Variants in ZSWIM4 observed in about 807,000 individuals in gnomAD.
ZSWIM4 encodes zinc finger SWIM domain-containing protein 4.
Under a neutral mutation model 102.5 loss-of-function variants are expected in ZSWIM4, and 62 were observed. That is an observed-to-expected ratio of 0.60 (90% confidence interval 0.49 to 0.75). ZSWIM4 has a LOEUF of 0.75. Among genes scored for constraint, ZSWIM4 ranks in the 30% least tolerant of loss-of-function variants. The pLI is 0.00. For missense variants in ZSWIM4, 1,280 were observed against 1,529.6 expected (o/e 0.84, Z 2.72); for synonymous variants, 652 against 674.5 (o/e 0.97, Z 0.52).
chr19:13,830,143 G>T, intron 13 of ZSWIM4, 48 bp from the exon 14 acceptor site: 4 of 1,576,028 alleles, frequency 2.5e-6, no homozygotes, highest in Non-Finnish European at 3.4e-6. Flanking sequence ...ACATGTACGT[G>T]TGTCTGCCCC....
At chr19:13,807,362 T>G (rs1031568299) in intron 3 of ZSWIM4, among the ~76,000 whole-genome samples, 1 of 149,668 alleles carries the variant, frequency 6.7e-6, no homozygotes, top group Non-Finnish European at 1.5e-5. Context: ...ATGACTTGGG[T>G]GGGGGTGGAT....
At chr19:13,823,715 A>C (rs1279478492) in intron 11 of ZSWIM4, among the ~76,000 whole-genome samples, 1 of 152,136 alleles carries the variant, frequency 6.6e-6, no homozygotes, top group Non-Finnish European at 1.5e-5. Flanking sequence ...ATGACATTCT[A>C]GTGGGGAGAA....
In ZSWIM4 at chr19:13,799,896, G is replaced by T; in HGVS notation, c.330G>T (p.Gly110=). ...FTRGLHLLQS[G]AVDRVLQVGF... is the part of the protein sequence containing the mutation. ...GCGGGCTGCACCTGCTCCAGAGCGG[G>T]GCCGTGGACCGCGTGTTGCAAGTGG... The change falls in exon 2 of 14, where the codon GGG becomes GGT. Residue 110 remains glycine, a synonymous_variant. Coordinates refer to ENST00000590508, the MANE Select transcript of ZSWIM4 (RefSeq NM_001367834.3). 1 of 1,612,350 alleles carries T rather than the reference G, an allele frequency of 6.2e-7. No individual in the cohort carries two copies.
intron 9 of ZSWIM4, 129 bp from the exon 10 acceptor site, chr19:13,819,228 C>T (rs1469627932): frequency 7.8e-7 from 1 of 1,287,606 alleles, no homozygotes; most frequent in Non-Finnish European, 1.1e-6. Context: ...ACCCCAGAGA[C>T]CCATCTAGCC....
chr19:13,798,642 T>A lies in ZSWIM4; in HGVS notation c.154-1078T>A, dbSNP rs547589120. Among the ~76,000 whole-genome samples the A allele has an allele frequency of 4.0e-3, 604 of 152,310 alleles. 7 individuals are homozygous for A. The highest frequency in any genetic ancestry group is 4.4e-3 in the Non-Finnish European group (302 of 68,022). ...TTAAGCTCTTTACATCCATACTGCA[T>A]ATTTAGTCTCCACAATCCTCAAGAG... On this transcript the variant is annotated intron_variant, in intron 1 of 13. Coordinates refer to ENST00000590508, the MANE Select transcript of ZSWIM4 (RefSeq NM_001367834.3).
rs926173480 is a variant in ZSWIM4 at position 13,817,439 on chromosome 19, C to A, written c.1669+86C>A. 8 of 1,518,904 alleles carry A rather than the reference C, an allele frequency of 5.3e-6. No individual in the cohort carries two copies. In the Admixed American group the frequency reaches 1.1e-4, roughly 21 times the overall value. 94.1% of individuals were successfully genotyped at this position (1,518,904 alleles called of 1,614,324 possible). A position where few individuals can be genotyped will look rare whatever the true frequency, so the allele number is the denominator to read the frequency against. On this transcript the variant is annotated intron_variant, in intron 8 of 13. Coordinates refer to ENST00000590508, the MANE Select transcript of ZSWIM4 (RefSeq NM_001367834.3). Reference sequence around the variant, plus strand: ...CTGGCCCAGTACCCCTATAAGGTAACTCCCAGACTCTGACCCTTGGCCACG... The same window carrying A: ...CTGGCCCAGTACCCCTATAAGGTAAATCCCAGACTCTGACCCTTGGCCACG...
At position 13,823,473 on chromosome 19, in the gene ZSWIM4, G is replaced by A. The variant is rs1310849465; in HGVS notation, c.2188G>A (p.Ala730Thr). Residue 730 changes from alanine (A) to threonine (T), a missense_variant, in exon 11 of 14, where the codon GCT becomes ACT. Ala to Thr is a moderately conservative substitution (Grantham distance 58, BLOSUM62 0). Transcript: ENST00000590508. ...CCTGGAGACCCGCCAGTGTGAACTG[G>A]CTTCCACCATGTTGACGGCCGCCAA... ...GHLETRQCELASTMLTAAKGD... is the reference protein window; with the variant it reads ...GHLETRQCELTSTMLTAAKGD... 1.3e-6 allele frequency: 2 copies of A among 1,587,196 alleles called. No individual in the cohort carries two copies. The highest frequency in any genetic ancestry group is 1.7e-6 in the Non-Finnish European group (2 of 1,166,716).
chr19:13,802,872 C>A (rs528314479), intron 2 of ZSWIM4, among the ~76,000 whole-genome samples: 1 of 152,292 alleles, frequency 6.6e-6, no homozygotes, highest in South Asian at 2.1e-4. Flanking sequence ...ACCCACCATG[C>A]CTGGCCAAGT....
chr19:13,824,988 C>T (rs1486705772), intron 11 of ZSWIM4, among the ~76,000 whole-genome samples: 2 of 151,498 alleles, frequency 1.3e-5, no homozygotes, highest in Non-Finnish European at 2.9e-5. Flanking sequence ...GGGTGTGCAA[C>T]CAATGCCCTT....
intron 10 of ZSWIM4, among the ~76,000 whole-genome samples, chr19:13,821,406 C>T (rs931865953): frequency 1.3e-5 from 2 of 152,078 alleles, no homozygotes; most frequent in African/African-American, 4.8e-5. Context: ...GCCTGGTACA[C>T]ATCTATGGTC....
At chr19:13,817,505 C>A in intron 8 of ZSWIM4, 152 bp downstream of exon 8, 1 of 1,182,506 alleles carries the variant, frequency 8.5e-7, no homozygotes, top group Non-Finnish European at 1.2e-6. Flanking sequence ...TGCCCAGAGC[C>A]AATAGGCTTA....
At position 13,808,831 on chromosome 19, in the gene ZSWIM4, G is replaced by A; in HGVS notation, c.713-5G>A. 1.3e-6 allele frequency: 2 copies of A among 1,585,870 alleles called. No homozygotes were observed. Among genetic ancestry groups the A allele is most frequent in the Non-Finnish European group, 1.7e-6 (2 of 1,165,760 alleles). On this transcript the variant is annotated splice_polypyrimidine_tract_variant and splice_region_variant and intron_variant, in intron 3 of 13. Transcript: ENST00000590508. ...CCTCAGCTTCCTTTCCCTCCCTCCCGGCAGGTGCCCCAGACCCCACCGCCG... is the reference window on the plus strand; with the variant it reads ...CCTCAGCTTCCTTTCCCTCCCTCCCAGCAGGTGCCCCAGACCCCACCGCCG...
At chr19:13,828,416 A>G (rs975812284) in intron 12 of ZSWIM4, among the ~76,000 whole-genome samples, 1 of 152,130 alleles carries the variant, frequency 6.6e-6, no homozygotes, top group East Asian at 1.9e-4. Context: ...TCAAAAAAAA[A>G]CAAAACAAAA....
intron 12 of ZSWIM4, 141 bp from the exon 13 acceptor site, chr19:13,828,504 A>G: frequency 4.9e-6 from 3 of 615,004 alleles, no homozygotes; most frequent in Non-Finnish European, 8.8e-6. Flanking sequence ...ATTGAGGCCC[A>G]GAAAGTTGAG....
In ZSWIM4 at chr19:13,805,102, G is replaced by C; in HGVS notation, c.666G>C (p.Leu222Phe). ...HTEVLPTAQR[L>F]ADEILLLGSE... The stretch of plus-strand genomic sequence containing the variant: ...AGGTGCTGCCCACTGCTCAGCGCTT[G>C]GCTGATGAGATCCTCCTGCTGGGCT... The change falls in exon 3 of 14, where the codon TTG becomes TTC. Residue 222 changes from leucine to phenylalanine, a missense_variant. Transcript: ENST00000590508. The C allele has an allele frequency of 6.2e-7, 1 of 1,603,338 alleles. No individual in the cohort carries two copies. The highest frequency in any genetic ancestry group is 8.5e-7 in the Non-Finnish European group (1 of 1,179,886).
Position 13,830,253 on chromosome 19 carries a change from G to A in ZSWIM4, c.2524G>A (p.Ala842Thr), listed in dbSNP as rs935110038. The A allele has an allele frequency of 1.2e-6, 2 of 1,613,822 alleles. No homozygotes were observed. The highest frequency in any genetic ancestry group is 8.5e-7 in the Non-Finnish European group (1 of 1,180,044). The change falls in exon 14 of 14, where the codon GCT becomes ACT. Residue 842 changes from alanine (A) to threonine (T), a missense_variant. Physicochemically the swap from Ala to Thr is moderately conservative, Grantham distance 58. Transcript: ENST00000590508. ...WYSLFTPVEA[A>T]TIVAVTGTTH... is the part of the protein sequence containing the mutation. ...TTCCTTATTCACACCAGTGGAGGCG[G>A]CTACCATCGTGGCAGTGACGGGCAC...
intron 3 of ZSWIM4, 132 bp downstream of exon 3, chr19:13,805,280 C>A: frequency 1.3e-6 from 1 of 760,620 alleles, no homozygotes; most frequent in Non-Finnish European, 2.1e-6. Flanking sequence ...GCGCCATGGC[C>A]TGCATCATCT....
intron 1 of ZSWIM4, among the ~76,000 whole-genome samples, chr19:13,797,631 GAA>G (rs1221381684): frequency 1.4e-5 from 2 of 146,076 alleles, no homozygotes; most frequent in African/African-American, 5.4e-5. Context: ...AAAAAGAAAA[GAA>G]AAGAAAATCT....
intron 9 of ZSWIM4, among the ~76,000 whole-genome samples, chr19:13,818,550 TCTTTTC>T (rs1433338679): frequency 1.3e-5 from 2 of 149,210 alleles, no homozygotes; most frequent in African/African-American, 5.2e-5. Flanking sequence ...TGGAGTCTCT[TCTTTTC>T]CTTTTCCTTT....
Sources: allele counts gnomAD v4.1 joint callset (sites outside exome capture counted in the v4.1 genomes callset), GRCh38; gene constraint gnomAD v4.1.1; transcripts MANE v1.5; gene names NCBI Gene and HGNC (gene_info 2026-07-23, HGNC 2026-07-21).